Variants in LRMDA observed in about 807,000 individuals in gnomAD.
LRMDA encodes leucine-rich melanocyte differentiation-associated protein.
A neutral mutation model predicts 29.8 loss-of-function variants in LRMDA; 18 were observed. The observed-to-expected ratio is 0.60, with a 90% CI of 0.42 to 0.90. The LOEUF is 0.90. Ranked by LOEUF, LRMDA falls within the 40% of genes least tolerant of loss-of-function variation. LRMDA has a pLI of 0.00. For synonymous variants in LRMDA, 125 were observed against 109.4 expected (o/e 1.14, Z -0.89); for missense variants, 273 against 273.9 (o/e 1.00, Z 0.02).
chr10:75,826,352 T>C (rs1285065957), intron 2 of LRMDA, among the ~76,000 whole-genome samples: 1 of 152,194 alleles, frequency 6.6e-6, no homozygotes, highest in Non-Finnish European at 1.5e-5. Flanking sequence ...AGCTCTTGCC[T>C]TCTACCTTTC....
At chr10:76,086,682 C>A (rs1042673076) in intron 5 of LRMDA, among the ~76,000 whole-genome samples, 1 of 151,962 alleles carries the variant, frequency 6.6e-6, no homozygotes, top group Non-Finnish European at 1.5e-5. Flanking sequence ...CGTGGAGGGG[C>A]CCGAATGAAA....
chr10:76,160,726 A>G (rs756611418), intron 5 of LRMDA, among the ~76,000 whole-genome samples: 20 of 152,088 alleles, frequency 1.3e-4, no homozygotes, highest in Non-Finnish European at 2.6e-4. Context: ...AATCTATCTC[A>G]TTGAGACCAT....
At chr10:76,454,540 GA>G (rs889378837) in intron 6 of LRMDA, among the ~76,000 whole-genome samples, 1 of 151,860 alleles carries the variant, frequency 6.6e-6, no homozygotes, top group East Asian at 1.9e-4. Context: ...TAAACATAAA[GA>G]AAAAAAATGA....
rs76655782 is a variant in LRMDA, at chr10:75,780,006, A to G, written c.132-256002A>G. Among the ~76,000 whole-genome samples, 1,111 of 152,276 alleles carry G rather than the reference A, an allele frequency of 7.3e-3. 53 individuals carry two copies. The East Asian group carries it at 0.13, about 18-fold the overall frequency. On this transcript the variant is annotated intron_variant, in intron 2 of 6. Coordinates refer to ENST00000611255, the MANE Select transcript of LRMDA (RefSeq NM_001305581.2). ...GAAAGGAGGAGATCTAGACACAGAG[A>G]CACACAGAGGGAAGAAGGCCATATG...
At chr10:75,937,398 C>A (rs1008573377) in intron 2 of LRMDA, among the ~76,000 whole-genome samples, 2 of 152,158 alleles carry the variant, frequency 1.3e-5, no homozygotes, top group African/African-American at 4.8e-5. Context: ...TCTTGTCAGC[C>A]GAGTAGCTTG....
At chr10:76,226,217 C>G (rs541497369) in intron 5 of LRMDA, among the ~76,000 whole-genome samples, 30 of 152,214 alleles carry the variant, frequency 2.0e-4, no homozygotes, top group African/African-American at 6.0e-4. Flanking sequence ...GAAGGGAAAG[C>G]AAACACATTC....
chr10:75,842,132 C>CT (rs1844552171), intron 2 of LRMDA, among the ~76,000 whole-genome samples: 1 of 152,212 alleles, frequency 6.6e-6, no homozygotes, highest in East Asian at 1.9e-4. Flanking sequence ...TCTGCTGCCT[C>CT]TTTTCATATG....
chr10:75,708,400 C>T (rs2132175147), intron 2 of LRMDA, among the ~76,000 whole-genome samples: 1 of 152,270 alleles, frequency 6.6e-6, no homozygotes, highest in East Asian at 1.9e-4. Context: ...TTATGGGTTT[C>T]CTTTACATTA....
chr10:76,373,505 A>G (rs1841479822), intron 6 of LRMDA, among the ~76,000 whole-genome samples: 1 of 152,162 alleles, frequency 6.6e-6, no homozygotes, highest in Non-Finnish European at 1.5e-5. Flanking sequence ...CTTAGCTTCA[A>G]TGAACTATAA....
intron 6 of LRMDA, among the ~76,000 whole-genome samples, chr10:76,486,701 A>G (rs1284194144): frequency 6.6e-6 from 1 of 151,854 alleles, no homozygotes; most frequent in Admixed American, 6.6e-5. Flanking sequence ...TAAAAAAGAG[A>G]AAACTGATGG....
At position 75,609,341 on chromosome 10, in the gene LRMDA, T is replaced by C. The variant is rs150471024; in HGVS notation, c.131+170847T>C. Among the ~76,000 whole-genome samples, 442 of 152,302 alleles carry C rather than the reference T, an allele frequency of 2.9e-3. 4 individuals carry two copies. The highest frequency in any genetic ancestry group is 0.01 in the African/African-American group (417 of 41,568). On this transcript the variant is annotated intron_variant, in intron 2 of 6. Transcript: ENST00000611255. ...AGTGAAGTGTCAAGTACTGGGGTTC[T>C]TGTCAATGGCAATTAATTGGAACTT...
intron 2 of LRMDA, among the ~76,000 whole-genome samples, chr10:75,503,651 C>T (rs1055047744): frequency 6.6e-6 from 1 of 152,050 alleles, no homozygotes; most frequent in African/African-American, 2.4e-5. Context: ...TAACCACCTT[C>T]TGGTTTGCAT....
At position 75,910,731 on chromosome 10, in the gene LRMDA, A is replaced by G. The variant is rs954091750; in HGVS notation, c.132-125277A>G. ...GTGTGATTCCTGTGCTCTTTTAGCCATGTTGCTTGAGGAATATCATAGCCA... is the reference window on the plus strand; with the variant it reads ...GTGTGATTCCTGTGCTCTTTTAGCCGTGTTGCTTGAGGAATATCATAGCCA... On this transcript the variant is annotated intron_variant, in intron 2 of 6. Transcript: ENST00000611255. 1.8e-3 allele frequency among the ~76,000 whole-genome samples: 271 copies of G among 152,292 alleles called. 4 individuals carry two copies. The highest frequency in any genetic ancestry group is 1.7e-3 in the East Asian group (9 of 5,176).
chr10:75,455,392 T>C (rs1017857934), intron 2 of LRMDA, among the ~76,000 whole-genome samples: 2 of 152,162 alleles, frequency 1.3e-5, no homozygotes, highest in Non-Finnish European at 2.9e-5. Context: ...CTTACACCTG[T>C]GATGTTTCCC....
At chr10:75,618,774 ACT>A (rs1841142823) in intron 2 of LRMDA, among the ~76,000 whole-genome samples, 1 of 83,876 alleles carries the variant, frequency 1.2e-5, no homozygotes, top group South Asian at 5.3e-4. Context: ...AAAATTATTT[ACT>A]CTTTTTTTTT....
chr10:75,879,885 A>G (rs537145115), intron 2 of LRMDA, among the ~76,000 whole-genome samples: 2 of 152,180 alleles, frequency 1.3e-5, no homozygotes, highest in Non-Finnish European at 2.9e-5. Context: ...TTTACTGAGT[A>G]TCAGAAAGTT....
In LRMDA at chr10:76,270,329, A is replaced by T. The variant is rs190549731; in HGVS notation, c.517-54072A>T. 1.2e-4 allele frequency: 19 copies of T among 152,322 alleles called. No homozygotes were observed. In the East Asian group the frequency reaches 3.7e-3, roughly 29 times the overall value. The allele number at this position is 152,322 out of a possible 1,614,324, so 9.4% of individuals were successfully genotyped here. On this transcript the variant is annotated intron_variant, in intron 5 of 6. Coordinates refer to ENST00000611255, the MANE Select transcript of LRMDA (RefSeq NM_001305581.2). ...ACTGGGCATTTGAGCTGAGACCTAA[A>T]TGTGAAGATGGCTGGGAGCTGGTGT...
chr10:75,639,719 T>A (rs976052125), intron 2 of LRMDA, among the ~76,000 whole-genome samples: 1 of 152,082 alleles, frequency 6.6e-6, no homozygotes, highest in African/African-American at 2.4e-5. Flanking sequence ...TTGAGAGAAG[T>A]GAACTCTGGG....
intron 5 of LRMDA, among the ~76,000 whole-genome samples, chr10:76,070,262 T>TG (rs1848854306): frequency 6.6e-6 from 1 of 152,186 alleles, no homozygotes; most frequent in African/African-American, 2.4e-5. Flanking sequence ...CTTGAGATGC[T>TG]GGGGGGCAGG....
Sources: allele counts gnomAD v4.1 joint callset (sites outside exome capture counted in the v4.1 genomes callset), GRCh38; gene constraint gnomAD v4.1.1; transcripts MANE v1.5; gene names NCBI Gene and HGNC (gene_info 2026-07-23, HGNC 2026-07-21).